The following ZNF652 variants were observed in gnomAD, a reference collection of about 807,000 sequenced individuals.
ZNF652 encodes the protein zinc finger protein 652.
In ZNF652, 16 loss-of-function variants were observed where a neutral mutation model predicts 45.2. The ratio of observed to expected loss-of-function variants is 0.35; its 90% CI spans 0.24 to 0.54. ZNF652 has a LOEUF of 0.54. Ranked by LOEUF, ZNF652 falls within the 20% of genes least tolerant of loss-of-function variation. The pLI is 0.91. For missense variants in ZNF652, 614 were observed against 765.6 expected (o/e 0.80, Z 2.34); for synonymous variants, 250 against 260.6 (o/e 0.96, Z 0.39).
intron 1 of ZNF652, 121 bp downstream of exon 1, chr17:49,361,788 C>G (rs1050428194): frequency 6.6e-6 from 1 of 151,870 alleles, no homozygotes; most frequent in Non-Finnish European, 1.5e-5. Context: ...GCAGCTGCCT[C>G]GGCGAAGGGT....
Position 49,317,740 on chromosome 17 carries a change from A to G in ZNF652, c.-15T>C, listed in dbSNP as rs1463170731. ...GTGTGGCTCATTGGTAAGTGGCCCAATTTATTAAACAGTTCAGACTATAAA... is the reference window on the plus strand; with the variant it reads ...GTGTGGCTCATTGGTAAGTGGCCCAGTTTATTAAACAGTTCAGACTATAAA... On this transcript the variant is annotated 5_prime_UTR_variant, in exon 2 of 6. Coordinates refer to ENST00000430262, the MANE Select transcript of ZNF652 (RefSeq NM_001145365.3). 1 of 1,562,056 alleles carries G rather than the reference A, an allele frequency of 6.4e-7. No homozygotes were observed. Among genetic ancestry groups the G allele is most frequent in the East Asian group, 2.3e-5 (1 of 44,154 alleles).
At chr17:49,327,767 A>G (rs1288554447) in intron 1 of ZNF652, among the ~76,000 whole-genome samples, 6 of 4,894 alleles carry the variant, frequency 1.2e-3, no homozygotes, top group Non-Finnish European at 1.6e-3. Flanking sequence ...ATATATATAT[A>G]TATATATATA....
chr17:49,306,347 A>G (rs1236333409), intron 5 of ZNF652, among the ~76,000 whole-genome samples: 1 of 152,276 alleles, frequency 6.6e-6, no homozygotes, highest in African/African-American at 2.4e-5. Context: ...TTACTTAGTA[A>G]TTAAATGCAA....
At chr17:49,328,603 C>A (rs765803637) in intron 1 of ZNF652, among the ~76,000 whole-genome samples, 1 of 152,014 alleles carries the variant, frequency 6.6e-6, no homozygotes, top group African/African-American at 2.4e-5. Context: ...GTGGCACTTC[C>A]CCAATCTCTA....
At chr17:49,306,001 G>C (rs2069623762) in intron 5 of ZNF652, among the ~76,000 whole-genome samples, 1 of 152,102 alleles carries the variant, frequency 6.6e-6, no homozygotes, top group African/African-American at 2.4e-5. Flanking sequence ...CTTCTCTAAA[G>C]CTAATCCTTC....
intron 1 of ZNF652, among the ~76,000 whole-genome samples, chr17:49,328,180 C>G (rs1196829658): frequency 6.6e-6 from 1 of 151,912 alleles, no homozygotes; most frequent in Non-Finnish European, 1.5e-5. Flanking sequence ...CACCTATACA[C>G]ATAACATACA....
At chr17:49,328,913 T>C (rs1221003079) in intron 1 of ZNF652, among the ~76,000 whole-genome samples, 1 of 152,264 alleles carries the variant, frequency 6.6e-6, no homozygotes, top group Non-Finnish European at 1.5e-5. Context: ...ATTCTGCTTT[T>C]CTAACTCCTA....
chr17:49,306,617 A>T (rs1449129739), intron 5 of ZNF652, among the ~76,000 whole-genome samples: 1 of 152,088 alleles, frequency 6.6e-6, no homozygotes, highest in Non-Finnish European at 1.5e-5. Flanking sequence ...AGCTGGTGGG[A>T]GTATATGTGG....
chr17:49,304,880 A>G (rs79928340), intron 5 of ZNF652, among the ~76,000 whole-genome samples: 5,484 of 37,350 alleles, frequency 0.15, 139 homozygotes, highest in Admixed American at 0.22. Context: ...ATATATGTGT[A>G]TATATATATA....
intron 1 of ZNF652, among the ~76,000 whole-genome samples, chr17:49,329,519 C>G (rs1464327487): frequency 6.6e-6 from 1 of 152,166 alleles, no homozygotes; most frequent in Admixed American, 6.5e-5. Context: ...TTTGGATAAG[C>G]ATTACAAGCT....
chr17:49,298,616 G>A lies in ZNF652; in HGVS notation c.1618C>T (p.Pro540Ser). Residue 540 changes from proline (P) to serine (S), a missense_variant, in exon 6 of 6, where the codon CCT becomes TCT. By Grantham distance (74) the Pro-to-Ser change is moderately conservative. This residue lies in a region of ZNF652 where 132 missense variants were observed against 137.2 expected (regional missense o/e 0.96). Transcript: ENST00000430262. ...GAGAAGGGGTGGGGGATGGGCCGAG[G>A]GGGAAGAGTGCTTACAGGATTCATA... The part of the protein sequence containing the change: ...INMNPVSTLP[P>S]RPIPHPFSHL... The A allele has an allele frequency of 6.2e-7, 1 of 1,613,456 alleles. No individual in the cohort carries two copies.
chr17:49,348,478 A>AG (rs1448591850), intron 1 of ZNF652, among the ~76,000 whole-genome samples: 1 of 129,074 alleles, frequency 7.7e-6, no homozygotes, highest in Non-Finnish European at 1.6e-5. Flanking sequence ...ACCTTGCCTC[A>AG]AAAAAGAAAA....
chr17:49,333,741 A>G (rs7209353), intron 1 of ZNF652, among the ~76,000 whole-genome samples: 41,835 of 138,738 alleles, frequency 0.3, 3,664 homozygotes, highest in Non-Finnish European at 0.37. Context: ...AAAAAAAAAA[A>G]AAGAAGATAT....
intron 5 of ZNF652, among the ~76,000 whole-genome samples, chr17:49,309,958 G>A (rs1250832322): frequency 6.6e-6 from 1 of 151,844 alleles, no homozygotes; most frequent in Admixed American, 6.6e-5. Flanking sequence ...AATCTCTGTT[G>A]TTCTTTTTTT....
intron 1 of ZNF652, among the ~76,000 whole-genome samples, chr17:49,320,403 G>A (rs1048761670): frequency 5.3e-5 from 8 of 152,104 alleles, no homozygotes; most frequent in East Asian, 1.9e-4. Context: ...GTAAAATTAC[G>A]GCTCAGAGAG....
intron 1 of ZNF652, among the ~76,000 whole-genome samples, chr17:49,348,576 G>C (rs896003458): frequency 4.6e-5 from 7 of 151,588 alleles, no homozygotes; most frequent in African/African-American, 1.7e-4. Flanking sequence ...AGAGGCAAAG[G>C]GGGAGGGGAG....
chr17:49,305,177 C>T (rs1183624365), intron 5 of ZNF652, among the ~76,000 whole-genome samples: 1 of 152,078 alleles, frequency 6.6e-6, no homozygotes, highest in East Asian at 1.9e-4. Context: ...AATCAATCAC[C>T]AAGTTCATTC....
intron 5 of ZNF652, among the ~76,000 whole-genome samples, chr17:49,307,134 A>C (rs1178021955): frequency 6.6e-6 from 1 of 152,026 alleles, no homozygotes; most frequent in African/African-American, 2.4e-5. Context: ...TAAATGGAGA[A>C]AACATCCTTC....
intron 1 of ZNF652, among the ~76,000 whole-genome samples, chr17:49,351,500 T>C (rs966051618): frequency 2.6e-5 from 4 of 152,096 alleles, no homozygotes; most frequent in African/African-American, 9.7e-5. Context: ...ATAACTGACA[T>C]AGAAATATGA....
Sources: gnomAD v4.1 joint callset for allele counts (sites outside exome capture counted in the v4.1 genomes callset) on GRCh38, gnomAD v4.1.1 for gene constraint, gnomAD v4.1.1 regional missense constraint, MANE v1.5 for transcripts, NCBI Gene and HGNC (gene_info 2026-07-23, HGNC 2026-07-21) for gene names.